Variants in EFR3B observed in about 807,000 individuals in gnomAD.
The protein encoded by EFR3B is protein EFR3 homolog B.
Under a neutral mutation model 104.7 loss-of-function variants are expected in EFR3B, and 64 were observed. The observed-to-expected ratio is 0.61, with a 90% CI of 0.50 to 0.75. EFR3B has a LOEUF of 0.75. Ranked by LOEUF, EFR3B falls within the 30% of genes least tolerant of loss-of-function variation. The probability of loss-of-function intolerance (pLI) is 0.00; values close to 1 mark genes in which losing one functional copy is unlikely to be tolerated. For missense variants in EFR3B, 750 were observed against 1,078.5 expected (o/e 0.70, Z 4.27); for synonymous variants, 385 against 417.9 (o/e 0.92, Z 0.96).
intron 4 of EFR3B, among the ~76,000 whole-genome samples, chr2:25,115,600 CAG>C (rs981918839): frequency 1.3e-5 from 2 of 152,160 alleles, no homozygotes; most frequent in African/African-American, 4.8e-5. Context: ...TATATGGAAA[CAG>C]GGTCTTGGCG....
intron 12 of EFR3B, among the ~76,000 whole-genome samples, chr2:25,134,618 G>T (rs4665764): frequency 6.6e-6 from 1 of 151,234 alleles, no homozygotes; most frequent in African/African-American, 2.4e-5. Context: ...GAACTCCCCC[G>T]ACCCCGCCGC....
intron 1 of EFR3B, chr2:25,081,131 C>T: frequency 1.4e-6 from 1 of 694,998 alleles, no homozygotes. Context: ...ATTTTCGCTT[C>T]AGTGCTTGAT....
At chr2:25,148,261 TAA>T (rs1318747646) in intron 19 of EFR3B, among the ~76,000 whole-genome samples, 1 of 139,810 alleles carries the variant, frequency 7.2e-6, no homozygotes, top group Admixed American at 7.2e-5. Flanking sequence ...CTTCTTTTTT[TAA>T]AAAAAAAAAA....
intron 15 of EFR3B, among the ~76,000 whole-genome samples, chr2:25,138,068 A>T (rs189205218): frequency 1.6e-4 from 25 of 152,316 alleles, no homozygotes; most frequent in African/African-American, 4.6e-4. Context: ...GCTACTTGGG[A>T]GACTGAGGCA....
chr2:25,133,248 T>A lies in EFR3B; in HGVS notation c.1260-135T>A, dbSNP rs1573227650. On this transcript the variant is annotated intron_variant, in intron 11 of 22. Transcript: ENST00000403714. ...GTCATCTCTTGGTCGGCTTCCTGGG[T>A]CCGGAAGTCACTGTCCTGGGTAACC... 7.7e-6 allele frequency: 8 copies of A among 1,032,264 alleles called. 1 individual carries two copies. In the South Asian group the frequency reaches 1.0e-4, roughly 13 times the overall value. 63.9% of individuals were successfully genotyped at this position (1,032,264 alleles called of 1,614,324 possible).
intron 4 of EFR3B, among the ~76,000 whole-genome samples, chr2:25,105,366 G>C (rs1274058271): frequency 6.6e-6 from 1 of 152,146 alleles, no homozygotes; most frequent in East Asian, 1.9e-4. Context: ...GTCCAGGCTG[G>C]TCTTAAACTC....
At chr2:25,097,988 G>A (rs938025478) in intron 3 of EFR3B, among the ~76,000 whole-genome samples, 1 of 152,122 alleles carries the variant, frequency 6.6e-6, no homozygotes, top group Non-Finnish European at 1.5e-5. Flanking sequence ...TCTCTAATCT[G>A]AGGACCCTGG....
chr2:25,066,537 G>T (rs1668342343), intron 1 of EFR3B, among the ~76,000 whole-genome samples: 1 of 152,104 alleles, frequency 6.6e-6, no homozygotes, highest in South Asian at 2.1e-4. Context: ...TTCCTTTCTT[G>T]TCTTTGTCCA....
At chr2:25,075,497 G>A (rs1439939269) in intron 1 of EFR3B, among the ~76,000 whole-genome samples, 1 of 152,124 alleles carries the variant, frequency 6.6e-6, no homozygotes, top group African/African-American at 2.4e-5. Flanking sequence ...TTTAAATAAT[G>A]TTCAAAGTTA....
chr2:25,093,092 T>A lies in EFR3B; in HGVS notation c.174T>A (p.Ser58=). The change falls in exon 3 of 23, where the codon TCT becomes TCA. Residue 58 remains serine, a synonymous_variant. Transcript: ENST00000403714. ...TTGATCGTATTGGCGCCTACCTCTC[T>A]GAGAGGCTCATCCGTGACGTGGGTC... is the stretch of plus-strand genomic sequence containing the variant. ...EKLDRIGAYL[S]ERLIRDVGRH... is the part of the protein sequence containing the mutation. The A allele has an allele frequency of 1.3e-6, 2 of 1,551,886 alleles. No homozygotes were observed. Among genetic ancestry groups the A allele is most frequent in the Non-Finnish European group, 1.7e-6 (2 of 1,147,122 alleles).
chr2:25,137,300 C>G lies in EFR3B; in HGVS notation c.1561-41C>G. 6.5e-7 allele frequency: 1 copy of G among 1,549,412 alleles called. No homozygotes were observed. Among genetic ancestry groups the G allele is most frequent in the Non-Finnish European group, 8.7e-7 (1 of 1,145,512 alleles). On this transcript the variant is annotated intron_variant, in intron 14 of 22. Transcript: ENST00000403714. The surrounding 1 kb of genome is among the most constrained non-coding windows in gnomAD (Gnocchi z 4.7). ...GTGTTCTCCTTGCCCCTCCTGTCCCCATCCCTCCGACCCTGGCCTTCTGCC... is the reference window on the plus strand; with the variant it reads ...GTGTTCTCCTTGCCCCTCCTGTCCCGATCCCTCCGACCCTGGCCTTCTGCC...
In EFR3B at chr2:25,121,765, G is replaced by A. The variant is rs1212075140; in HGVS notation, c.456G>A (p.Ser152=). Residue 152 remains serine (S), a synonymous_variant, in exon 5 of 23, where the codon TCG becomes TCA. Transcript: ENST00000403714. ...CCCGATTCAGTGAAATGTGCCACTC[G>A]AGCCATGATGACTTAGAAATCAAGA... ...FVSRFSEMCH[S]SHDDLEIKTK... 24 of 1,551,644 alleles carry A rather than the reference G, an allele frequency of 1.5e-5. No individual in the cohort carries two copies. The highest frequency in any genetic ancestry group is 1.7e-4 in the Middle Eastern group (1 of 6,014).
At chr2:25,107,721 T>C (rs1006369279) in intron 4 of EFR3B, among the ~76,000 whole-genome samples, 12 of 152,098 alleles carry the variant, frequency 7.9e-5, no homozygotes, top group African/African-American at 2.9e-4. Context: ...GATGAAGTTG[T>C]CCAGAGACTT....
At chr2:25,123,712 T>C (rs1173983772) in intron 5 of EFR3B, among the ~76,000 whole-genome samples, 1 of 152,250 alleles carries the variant, frequency 6.6e-6, no homozygotes, top group Non-Finnish European at 1.5e-5. Context: ...CATATGTCTG[T>C]AACACATGCT....
chr2:25,125,814 G>A (rs1308189609), intron 5 of EFR3B, among the ~76,000 whole-genome samples: 1 of 152,210 alleles, frequency 6.6e-6, no homozygotes, highest in African/African-American at 2.4e-5. Flanking sequence ...CAGGCGTGGT[G>A]GCGGGCGCCT....
At chr2:25,152,668 T>C (rs1354051249) in intron 21 of EFR3B, among the ~76,000 whole-genome samples, 1 of 152,172 alleles carries the variant, frequency 6.6e-6, no homozygotes, top group Non-Finnish European at 1.5e-5. Context: ...ATCTTGAAAT[T>C]GATTCTATGC....
At chr2:25,103,509 G>C (rs1669479374) in intron 3 of EFR3B, 128 bp from the exon 4 acceptor site, 1 of 1,307,114 alleles carries the variant, frequency 7.7e-7, no homozygotes, top group African/African-American at 1.5e-5. Context: ...GACGTTGGCA[G>C]CCTGTGGGGG....
intron 1 of EFR3B, among the ~76,000 whole-genome samples, chr2:25,082,217 C>A (rs1397662102): frequency 6.6e-6 from 1 of 152,258 alleles, no homozygotes; most frequent in East Asian, 1.9e-4. Context: ...TTAAACACCT[C>A]TGGGCCCTCT....
intron 19 of EFR3B, chr2:25,147,564 G>T (rs541206192): frequency 6.6e-6 from 1 of 152,174 alleles, no homozygotes; most frequent in Non-Finnish European, 1.5e-5. Flanking sequence ...ACGCAACCAC[G>T]CCTGGATGAG....
Sources: allele counts gnomAD v4.1 joint callset (sites outside exome capture counted in the v4.1 genomes callset), GRCh38; gene constraint gnomAD v4.1.1; non-coding constraint Gnocchi (gnomAD v3.1); transcripts MANE v1.5; gene names NCBI Gene and HGNC (gene_info 2026-07-23, HGNC 2026-07-21).